Variants in RP1 observed in about 807,000 individuals in gnomAD.
The protein encoded by RP1 is oxygen-regulated protein 1.
In RP1, 16 loss-of-function variants were observed where a neutral mutation model predicts 14.8. The ratio of observed to expected loss-of-function variants is 1.08; its 90% CI spans 0.73 to 1.65. RP1 has a LOEUF of 1.65. Ranked by LOEUF, RP1 falls within the 40% of genes most tolerant of loss-of-function variation. The pLI is 0.00. For missense variants in RP1, 2,631 were observed against 2,535.0 expected (o/e 1.04, Z -0.81); for synonymous variants, 876 against 883.6 (o/e 0.99, Z 0.15).
intron 7 of RP1, among the ~76,000 whole-genome samples, chr8:54,667,656 G>A (rs775609434): frequency 1.3e-5 from 2 of 152,088 alleles, no homozygotes; most frequent in Non-Finnish European, 2.9e-5. Flanking sequence ...CCCAGTGTGT[G>A]TGTGTTGCAA....
At position 54,821,497 on chromosome 8, in the gene RP1, A is replaced by G. The variant is rs564898143; in HGVS notation, c.3616-15953A>G. ...GGGGTTTGATTCCACATTCTGCCTTACTCTACATAACAGAGGCCAATTTAG... is the reference window on the plus strand; with the variant it reads ...GGGGTTTGATTCCACATTCTGCCTTGCTCTACATAACAGAGGCCAATTTAG... On this transcript the variant is annotated intron_variant, in intron 24 of 28. Transcript: ENST00000637698. Among the ~76,000 whole-genome samples, 3 of 152,276 alleles carry G rather than the reference A, an allele frequency of 2.0e-5. No individual in the cohort carries two copies. The East Asian group carries it at 5.8e-4, about 29-fold the overall frequency.
At chr8:54,661,672 A>T (rs1402520188) in intron 6 of RP1, among the ~76,000 whole-genome samples, 1 of 152,084 alleles carries the variant, frequency 6.6e-6, no homozygotes, top group Admixed American at 6.5e-5. Flanking sequence ...GCAGTGCAGA[A>T]CCGTGTTTGA....
intron 15 of RP1, among the ~76,000 whole-genome samples, chr8:54,714,024 C>T (rs937599979): frequency 1.3e-5 from 2 of 152,180 alleles, no homozygotes; most frequent in African/African-American, 4.8e-5. Context: ...GTCCTGGGTT[C>T]AGGTGATTCT....
chr8:54,623,427 C>G (rs537095077), intron 3 of RP1, among the ~76,000 whole-genome samples: 25 of 151,470 alleles, frequency 1.7e-4, no homozygotes, highest in African/African-American at 6.1e-4. Context: ...AGGGGCTTAC[C>G]TGATGGCAAG....
At position 54,626,960 on chromosome 8, in the gene RP1, G is replaced by C; in HGVS notation, c.3078G>C (p.Leu1026Phe). ...YLVPLHEHCT[L>F]SQSAINDHNT... ...TTCCCCTGCATGAACACTGTACTTTGTCACAGTCAGCTATTAATGATCATA... is the reference window on the plus strand; with the variant it reads ...TTCCCCTGCATGAACACTGTACTTTCTCACAGTCAGCTATTAATGATCATA... Residue 1026 changes from leucine to phenylalanine, a missense_variant, in exon 4 of 4, where the codon TTG (leucine) becomes TTC (phenylalanine). Physicochemically the swap from Leu to Phe is conservative, Grantham distance 22. Transcript: ENST00000220676. 3.7e-6 allele frequency: 6 copies of C among 1,613,940 alleles called. No homozygotes were observed. The highest frequency in any genetic ancestry group is 1.3e-5 in the African/African-American group (1 of 75,004).
exon 16 of RP1, chr8:54,720,147 T>C: frequency 6.5e-7 from 1 of 1,534,716 alleles, no homozygotes; most frequent in Non-Finnish European, 8.7e-7. Context: ...AGATGTTGAC[T>C]GTCATTTTAA....
chr8:54,744,139 A>G (rs1454448619), intron 19 of RP1, among the ~76,000 whole-genome samples: 1 of 152,228 alleles, frequency 6.6e-6, no homozygotes, highest in Non-Finnish European at 1.5e-5. Flanking sequence ...AATATTGTGC[A>G]TTACTGTAGG....
chr8:54,622,249 G>C lies in RP1; in HGVS notation c.748G>C (p.Val250Leu), dbSNP rs770470055. The change falls in exon 3 of 4, where the codon GTG (valine) becomes CTG (leucine). Residue 250 changes from valine to leucine, a missense_variant. Transcript: ENST00000220676. ...PARLPGISQR[V>L]YPKGNAKSES... ...TAGATTACCAGGGATCTCTCAGCGT[G>C]TGTACCCCAAGGGAAATGCAAAGTC... The C allele has an allele frequency of 3.7e-6, 6 of 1,614,002 alleles. No homozygotes were observed. The South Asian group carries it at 6.6e-5, about 18-fold the overall frequency.
chr8:54,579,939 C>T (rs1167573841), intron 1 of RP1, among the ~76,000 whole-genome samples: 1 of 152,194 alleles, frequency 6.6e-6, no homozygotes, highest in Admixed American at 6.5e-5. Flanking sequence ...TCTGCTCCCT[C>T]ACATTCCTCC....
intron 1 of RP1, among the ~76,000 whole-genome samples, chr8:54,577,643 T>C (rs1804691102): frequency 6.6e-6 from 1 of 152,212 alleles, no homozygotes; most frequent in Admixed American, 6.5e-5. Context: ...TCTTACTAGA[T>C]ACTATGCTAC....
Position 54,630,824 on chromosome 8 carries a change from C to T in RP1, c.*471C>T, listed in dbSNP as rs1806234360. ...GATTATAAGATATCCACGACAATCT[C>T]ATAGTTTCTTGTGCCAAATATGTTG... On this transcript the variant is annotated 3_prime_UTR_variant, in exon 4 of 4. Coordinates refer to ENST00000220676, the MANE Select transcript of RP1 (RefSeq NM_006269.2). The T allele has an allele frequency of 2.1e-5, 21 of 996,480 alleles. No individual in the cohort carries two copies. The highest frequency in any genetic ancestry group is 2.5e-5 in the Non-Finnish European group (21 of 836,920). The allele number at this position is 996,480 out of a possible 1,614,324, so 61.7% of individuals were successfully genotyped here.
intron 24 of RP1, among the ~76,000 whole-genome samples, chr8:54,831,127 T>C (rs916175367): frequency 6.6e-6 from 1 of 152,114 alleles, no homozygotes; most frequent in African/African-American, 2.4e-5. Context: ...TTGGTTTGTA[T>C]TCACATTTTG....
At chr8:54,740,387 A>G (rs1809047162) in intron 19 of RP1, among the ~76,000 whole-genome samples, 1 of 146,232 alleles carries the variant, frequency 6.8e-6, no homozygotes, top group Non-Finnish European at 1.5e-5. Context: ...TATTTTTAAC[A>G]AGAAAGCTTA....
chr8:54,854,186 C>T (rs2129409107), intron 26 of RP1, among the ~76,000 whole-genome samples: 1 of 152,168 alleles, frequency 6.6e-6, no homozygotes, highest in African/African-American at 2.4e-5. Flanking sequence ...GAAATGCAGT[C>T]AAATACACCT....
At chr8:54,757,318 C>G (rs1809534026) in intron 21 of RP1, among the ~76,000 whole-genome samples, 1 of 152,194 alleles carries the variant, frequency 6.6e-6, no homozygotes. Flanking sequence ...ATTCTGTCTT[C>G]AAACCTAAAA....
rs749729142 is a variant in RP1 at position 54,626,478 on chromosome 8, T to G, written c.2596T>G (p.Leu866Val). ...VSKVTDSHIT[L>V]KSQKKRKGDK... Reference sequence around the variant, plus strand: ...AAAAGTTACTGATTCACACATAACTTTAAAAAGCCAGAAAAAACGTAAAGG... The same window carrying G: ...AAAAGTTACTGATTCACACATAACTGTAAAAAGCCAGAAAAAACGTAAAGG... The change falls in exon 4 of 4, where the codon TTA (leucine) becomes GTA (valine). Residue 866 changes from leucine to valine, a missense_variant. Transcript: ENST00000220676. The G allele has an allele frequency of 1.2e-6, 2 of 1,613,672 alleles. No individual in the cohort carries two copies. The highest frequency in any genetic ancestry group is 1.7e-6 in the Non-Finnish European group (2 of 1,179,880).
chr8:54,633,275 A>G (rs1806283722), downstream of RP1, among the ~76,000 whole-genome samples: 1 of 152,194 alleles, frequency 6.6e-6, no homozygotes, highest in African/African-American at 2.4e-5. Flanking sequence ...AAGAATCATC[A>G]GAGTTGATTC....
chr8:54,809,523 A>T, intron 24 of RP1, among the ~76,000 whole-genome samples: 1 of 152,210 alleles, frequency 6.6e-6, no homozygotes, highest in East Asian at 1.9e-4. Flanking sequence ...TGTTGTTCAT[A>T]AAAGCCTTAA....
chr8:54,852,930 T>C (rs945055960), intron 26 of RP1, among the ~76,000 whole-genome samples: 3 of 152,198 alleles, frequency 2.0e-5, no homozygotes, highest in African/African-American at 7.2e-5. Flanking sequence ...AACACAATAT[T>C]CTACTTCCAG....
Sources: allele counts gnomAD v4.1 joint callset (sites outside exome capture counted in the v4.1 genomes callset), GRCh38; gene constraint gnomAD v4.1.1; transcripts MANE v1.5; gene names NCBI Gene and HGNC (gene_info 2026-07-23, HGNC 2026-07-21).